Variants in PDE4DIP observed in about 807,000 individuals in gnomAD.
The protein encoded by PDE4DIP is myomegalin.
PDE4DIP carries 59 observed loss-of-function variants against 221.4 expected under a neutral mutation model. The observed-to-expected ratio is 0.27, with a 90% CI of 0.22 to 0.33. The LOEUF (loss-of-function observed/expected upper bound fraction) is 0.33. PDE4DIP is among the 10% of genes least tolerant of loss of function. The probability of loss-of-function intolerance (pLI) is 1.00; values close to 1 mark genes in which losing one functional copy is unlikely to be tolerated. For missense variants in PDE4DIP, 1,036 were observed against 2,154.2 expected (o/e 0.48, Z 10.28); for synonymous variants, 404 against 815.9 (o/e 0.50, Z 8.60).
At chr1:148,975,935 A>G (rs1553537214) in intron 17 of PDE4DIP, among the ~76,000 whole-genome samples, 1 of 152,000 alleles carries the variant, frequency 6.6e-6, no homozygotes, top group Non-Finnish European at 1.5e-5. Context: ...TTTCATTGTC[A>G]TATTTCTGCT....
chr1:148,820,946 G>A, intron 1 of PDE4DIP, among the ~76,000 whole-genome samples: 1 of 149,592 alleles, frequency 6.7e-6, no homozygotes, highest in South Asian at 2.1e-4. Context: ...CGCCCCCTGG[G>A]GTTCACGCCA....
chr1:149,009,697 T>A, exon 30 of PDE4DIP: 1 of 1,614,162 alleles, frequency 6.2e-7, no homozygotes, highest in East Asian at 2.2e-5. Flanking sequence ...GCAGCACCTC[T>A]TTCCTGTCTG....
intron 1 of PDE4DIP, among the ~76,000 whole-genome samples, chr1:148,821,043 G>T (rs1553360375): frequency 6.7e-6 from 1 of 150,150 alleles, no homozygotes; most frequent in Non-Finnish European, 1.5e-5. Context: ...AGTAGAGACG[G>T]GGTTTCACCG....
At chr1:148,952,418 C>T in intron 5 of PDE4DIP, 3 of 1,086,010 alleles carry the variant, frequency 2.8e-6, no homozygotes, top group Non-Finnish European at 2.2e-6. Context: ...CCGGCCGCTG[C>T]TGCTCCGGGA....
At chr1:149,028,953 G>A (rs1271537070) in intron 41 of PDE4DIP, among the ~76,000 whole-genome samples, 3 of 152,092 alleles carry the variant, frequency 2.0e-5, no homozygotes, top group Non-Finnish European at 2.9e-5. Flanking sequence ...AGAAGATGAA[G>A]GGGTGTGAAG....
At chr1:149,029,072 C>T (rs1311636184) in intron 41 of PDE4DIP, among the ~76,000 whole-genome samples, 1 of 152,230 alleles carries the variant, frequency 6.6e-6, no homozygotes, top group Non-Finnish European at 1.5e-5. Flanking sequence ...CATCTCCCAC[C>T]CCTCAGGTCC....
exon 44 of PDE4DIP, chr1:149,032,008 C>A: frequency 6.2e-7 from 1 of 1,610,388 alleles, no homozygotes. Context: ...AGGAACCATG[C>A]AAGAAGCGCA....
At position 149,001,624 on chromosome 1, in the gene PDE4DIP, G is replaced by A. The variant is rs146547581; in HGVS notation, c.3171G>A (p.Ala1057=). The change falls in exon 24 of 44, where the codon GCG becomes GCA. Residue 1057 remains alanine, a synonymous_variant. Coordinates refer to ENST00000369354, the Ensembl canonical transcript of PDE4DIP. ...TGCTGAGCCTTTGCCTTGAGAATGC[G>A]GAGCTGAAAGAGCAGATGGGAGAAG... is the stretch of plus-strand genomic sequence containing the variant. The A allele has an allele frequency of 5.7e-4, 917 of 1,613,418 alleles. 3 individuals carry two copies. The African/African-American group carries it at 8.7e-3, about 15-fold the overall frequency.
At chr1:149,019,512 G>A (rs1271138320) in intron 35 of PDE4DIP, 1 of 152,086 alleles carries the variant, frequency 6.6e-6, no homozygotes, top group Non-Finnish European at 1.5e-5. Flanking sequence ...GAGAGGAAAG[G>A]TCACTGCTGG....
At chr1:148,954,707 G>T (rs1370922583) in intron 5 of PDE4DIP, among the ~76,000 whole-genome samples, 1 of 151,972 alleles carries the variant, frequency 6.6e-6, no homozygotes, top group Non-Finnish European at 1.5e-5. Context: ...TGAGCTATTC[G>T]TGTCTGCCCA....
At chr1:149,024,823 G>C (rs2074574576) in intron 38 of PDE4DIP, 139 bp downstream of exon 41, 1 of 642,232 alleles carries the variant, frequency 1.6e-6, no homozygotes, top group Non-Finnish European at 2.5e-6. Flanking sequence ...CTAGCAACCT[G>C]AGTGAAAGCG....
At chr1:148,929,370 A>G in intron 2 of PDE4DIP, 97 bp downstream of exon 5, 1 of 1,435,704 alleles carries the variant, frequency 7.0e-7, no homozygotes. Flanking sequence ...TATCTGTGGC[A>G]TTTGAATCCT....
chr1:148,954,071 T>G (rs1222417566), intron 5 of PDE4DIP, among the ~76,000 whole-genome samples: 1 of 152,226 alleles, frequency 6.6e-6, no homozygotes, highest in Non-Finnish European at 1.5e-5. Flanking sequence ...TAAACGTGAT[T>G]TGCACTCAGA....
intron 5 of PDE4DIP, among the ~76,000 whole-genome samples, chr1:148,949,229 G>A (rs1553485773): frequency 6.6e-6 from 1 of 151,012 alleles, no homozygotes; most frequent in Non-Finnish European, 1.5e-5. Context: ...AATACATAAT[G>A]TAAAAAATTA....
chr1:149,001,664 T>C (rs113962741), exon 24 of PDE4DIP: 1 of 1,613,492 alleles, frequency 6.2e-7, no homozygotes, highest in Non-Finnish European at 8.5e-7. Flanking sequence ...GTCTGATGGA[T>C]GGGAGATCGA....
At chr1:148,933,983 C>T (rs55908078) in intron 4 of PDE4DIP, among the ~76,000 whole-genome samples, 274 of 148,374 alleles carry the variant, frequency 1.8e-3, no homozygotes, top group Middle Eastern at 6.8e-3. Context: ...AAAAAATTGG[C>T]ATCTGGAGAC....
At chr1:149,024,808 C>T (rs1206142692) in intron 38 of PDE4DIP, 124 bp downstream of exon 41, 1 of 643,510 alleles carries the variant, frequency 1.6e-6, no homozygotes, top group South Asian at 2.4e-5. Flanking sequence ...CAGAGATGCT[C>T]TAGTCTAGCA....
chr1:148,991,249 A>G (rs1370467971), intron 21 of PDE4DIP, among the ~76,000 whole-genome samples: 5 of 152,092 alleles, frequency 3.3e-5, no homozygotes, highest in African/African-American at 1.2e-4. Flanking sequence ...GCAGTGCAAG[A>G]AACCCTTCAG....
intron 5 of PDE4DIP, among the ~76,000 whole-genome samples, chr1:148,940,702 T>C (rs587696717): frequency 6.6e-6 from 1 of 151,146 alleles, no homozygotes; most frequent in Admixed American, 6.6e-5. Context: ...AGGCCGCTGA[T>C]AGTTGGTCCT....
Sources: allele counts gnomAD v4.1 joint callset (sites outside exome capture counted in the v4.1 genomes callset), GRCh38; gene constraint gnomAD v4.1.1; transcripts MANE v1.5; gene names NCBI Gene and HGNC (gene_info 2026-07-23, HGNC 2026-07-21).